The following HMCN2 variants were observed in gnomAD, a reference collection of about 807,000 sequenced individuals.
HMCN2 encodes the protein hemicentin-2.
In HMCN2, 325 loss-of-function variants were observed where a neutral mutation model predicts 377.5. The ratio of observed to expected loss-of-function variants is 0.86; its 90% CI spans 0.79 to 0.94. The LOEUF (loss-of-function observed/expected upper bound fraction) is 0.94, where lower values mean the gene tolerates loss of function less well. HMCN2 is among the 40% of genes least tolerant of loss of function. The pLI, the probability that HMCN2 is intolerant of heterozygous loss-of-function variation, is 0.00. For missense variants in HMCN2, 4,543 were observed against 4,725.3 expected, an observed-to-expected ratio of 0.96 and a Z score of 1.13; for synonymous variants, 2,007 against 2,046.8, an observed-to-expected ratio of 0.98 and a Z score of 0.53.
chr9:130,329,776 T>C (rs1016551651), intron 22 of HMCN2, among the ~76,000 whole-genome samples: 2 of 151,706 alleles, frequency 1.3e-5, no homozygotes, highest in Admixed American at 1.3e-4. Flanking sequence ...TGAAGCTTTG[T>C]TCGCAGGCTC....
chr9:130,375,617 T>G lies in HMCN2; in HGVS notation c.7685T>G (p.Val2562Gly), dbSNP rs894263463. 31 of 985,712 alleles carry G rather than the reference T, an allele frequency of 3.1e-5. No homozygotes were observed. In the African/African-American group the frequency reaches 4.9e-4, roughly 16 times the overall value. 61.1% of individuals were successfully genotyped at this position (985,712 alleles called of 1,614,324 possible). A position where few individuals can be genotyped will look rare whatever the true frequency, so the allele number is the denominator to read the frequency against. Residue 2562 changes from valine (V) to glycine (G), a missense_variant, in exon 50 of 98, where the codon GTG becomes GGG. Coordinates refer to ENST00000683500, the MANE Select transcript of HMCN2 (RefSeq NM_001291815.2). Reference sequence around the variant, plus strand: ...GACAGTGCAGATGAGGAGGTGACCGTGACTGTCAACAACCCCATCTCTCTG... The same window carrying G: ...GACAGTGCAGATGAGGAGGTGACCGGGACTGTCAACAACCCCATCTCTCTG... ...AEDSADEEVT[V>G]TVNNPISLIC... is the part of the protein sequence containing the mutation.
At chr9:130,337,083 G>C (rs1838792213) in intron 22 of HMCN2, among the ~76,000 whole-genome samples, 1 of 152,186 alleles carries the variant, frequency 6.6e-6, no homozygotes, top group African/African-American at 2.4e-5. Context: ...AGTGGCCGCA[G>C]CTGTCCTCCC....
At chr9:130,288,774 T>C (rs1483758833) in intron 4 of HMCN2, among the ~76,000 whole-genome samples, 1 of 152,226 alleles carries the variant, frequency 6.6e-6, no homozygotes, top group Non-Finnish European at 1.5e-5. Context: ...TCACTTTTTT[T>C]CAATTGTGAA....
Position 130,365,887 on chromosome 9 carries a change from T to C in HMCN2, c.6517T>C (p.Phe2173Leu). Residue 2173 changes from phenylalanine (F) to leucine (L), a missense_variant, in exon 43 of 98, where the codon TTC becomes CTC. Physicochemically the swap from Phe to Leu is conservative, Grantham distance 22. Coordinates refer to ENST00000683500, the MANE Select transcript of HMCN2 (RefSeq NM_001291815.2). Reference protein sequence around the residue: ...YNLNVWVAPVFPLRESHTLTV... With the variant: ...YNLNVWVAPVLPLRESHTLTV... ...CTGCTCTGACTCAGTTGCTCCAGTG[T>C]TCCCCTTGAGGGAATCCCACACCCT... 1.0e-6 allele frequency: 1 copy of C among 985,760 alleles called. No individual in the cohort carries two copies. 61.1% of individuals were successfully genotyped at this position (985,760 alleles called of 1,614,324 possible).
At chr9:130,286,623 C>T (rs185491040) in intron 4 of HMCN2, among the ~76,000 whole-genome samples, 1 of 152,362 alleles carries the variant, frequency 6.6e-6, no homozygotes, top group Admixed American at 6.5e-5. Context: ...GGCCTGGGTT[C>T]AGCAGTTGGT....
At chr9:130,305,112 T>C (rs1251045815) in intron 11 of HMCN2, 110 bp downstream of exon 11, 1 of 383,900 alleles carries the variant, frequency 2.6e-6, no homozygotes, top group Non-Finnish European at 5.4e-6. Context: ...TGGCAGGCAA[T>C]AGCAGCCTTT....
rs1368527330 is a variant in HMCN2 at position 130,394,508 on chromosome 9, G to A, written c.10625G>A (p.Gly3542Glu). ...CCCAACATCACCTGGCATAAGGACGGGCAGGCCCTGACCAGGCTGGAGAAC... is the reference window on the plus strand; with the variant it reads ...CCCAACATCACCTGGCATAAGGACGAGCAGGCCCTGACCAGGCTGGAGAAC... ...PQPNITWHKD[G>E]QALTRLENNS... is the part of the protein sequence containing the mutation. The change falls in exon 69 of 98, where the codon GGG (glycine) becomes GAG (glutamate). Residue 3542 changes from glycine (G) to glutamate (E), a missense_variant. By Grantham distance (98) the Gly-to-Glu change is moderately conservative. Around this residue, in one of 5 missense-constraint regions of HMCN2, gnomAD observed 1,073 missense variants for 1,319.5 expected, o/e 0.81. Transcript: ENST00000683500. The surrounding 1 kb of genome is among the most constrained non-coding windows in gnomAD (Gnocchi z 5.1). 7.8e-7 allele frequency: 1 copy of A among 1,289,840 alleles called. No homozygotes were observed. Among genetic ancestry groups the A allele is most frequent in the Non-Finnish European group, 1.0e-6 (1 of 988,868 alleles). 79.9% of individuals were successfully genotyped at this position (1,289,840 alleles called of 1,614,324 possible).
At chr9:130,294,740 G>T in intron 4 of HMCN2, 115 bp from the exon 5 acceptor site, 1 of 340,632 alleles carries the variant, frequency 2.9e-6, no homozygotes. Context: ...TGTTGGACAT[G>T]GAGGAGTGGG....
Position 130,378,201 on chromosome 9 carries a change from ATTC to A in HMCN2, c.8212+407_8212+409del, listed in dbSNP as rs1167795441. 2.0e-5 allele frequency among the ~76,000 whole-genome samples: 3 copies of A among 151,328 alleles called. No homozygotes were observed. The East Asian group carries it at 5.8e-4, about 29-fold the overall frequency. On this transcript the variant is annotated intron_variant, in intron 53 of 97. Coordinates refer to ENST00000683500, the MANE Select transcript of HMCN2 (RefSeq NM_001291815.2). ...CCTGTGGGTACCTGGGGCTCATTAT[ATTC>A]TTCTCTTGCTTGCGTCAGTGTTTGA... is the stretch of plus-strand genomic sequence containing the variant.
chr9:130,278,989 CT>C (rs1834962352), intron 1 of HMCN2, among the ~76,000 whole-genome samples: 3 of 151,880 alleles, frequency 2.0e-5, no homozygotes, highest in South Asian at 4.1e-4. Flanking sequence ...CCTCCACCCC[CT>C]GGGTTCAAGT....
intron 74 of HMCN2, among the ~76,000 whole-genome samples, chr9:130,397,930 T>G (rs1842683882): frequency 6.6e-6 from 1 of 151,934 alleles, no homozygotes; most frequent in Non-Finnish European, 1.5e-5. Flanking sequence ...GGAGGATCAC[T>G]TGATCCCAGG....
At chr9:130,408,977 C>A in intron 84 of HMCN2, 44 bp downstream of exon 84, 2 of 1,233,912 alleles carry the variant, frequency 1.6e-6, no homozygotes, top group South Asian at 1.3e-5. Flanking sequence ...CTGAGGACAA[C>A]TCTACGCTTT....
intron 84 of HMCN2, among the ~76,000 whole-genome samples, chr9:130,409,314 A>G (rs1337936217): frequency 6.6e-6 from 1 of 152,202 alleles, no homozygotes; most frequent in Non-Finnish European, 1.5e-5. Flanking sequence ...GAAGACACTG[A>G]AGTTCAGAGA....
intron 86 of HMCN2, among the ~76,000 whole-genome samples, chr9:130,420,194 C>A (rs917943901): frequency 6.6e-6 from 1 of 151,442 alleles, no homozygotes; most frequent in African/African-American, 2.4e-5. Flanking sequence ...CCTGCCTCAG[C>A]CTCCCAAGTA....
rs1242721794 is a variant in HMCN2, at chr9:130,342,707, AC to A, written c.3829+275del. Among the ~76,000 whole-genome samples the A allele has an allele frequency of 3.7e-4, 57 of 152,022 alleles. 2 individuals carry two copies. The highest frequency in any genetic ancestry group is 1.6e-4 in the Non-Finnish European group (11 of 67,976). On this transcript the variant is annotated intron_variant, in intron 25 of 97. Transcript: ENST00000683500. ...GTGACTCAGAATGTGGACAAGTGTG[AC>A]CCCTGCCCTGCCCCCCTGTGCCCAT...
rs1052455904 is a variant in HMCN2 at position 130,393,925 on chromosome 9, G to A, written c.10418G>A (p.Gly3473Glu). The change falls in exon 68 of 98, where the codon GGA (glycine) becomes GAA (glutamate). Residue 3473 changes from glycine to glutamate, a missense_variant. Gly to Glu is a moderately conservative substitution (Grantham distance 98). Around this residue, in one of 5 missense-constraint regions of HMCN2, gnomAD observed 1,073 missense variants for 1,319.5 expected, o/e 0.81. Coordinates refer to ENST00000683500, the MANE Select transcript of HMCN2 (RefSeq NM_001291815.2). This position sits in a 1 kb window ranked among gnomAD's most constrained non-coding sequence, Gnocchi z 5.2. Reference sequence around the variant, plus strand: ...CCCAGCCTGCAGCTGGAGGCAGTGGGAGCTGGTGACTCGGGGACCTACTCC... The same window carrying A: ...CCCAGCCTGCAGCTGGAGGCAGTGGAAGCTGGTGACTCGGGGACCTACTCC... ...QGPSLQLEAV[G>E]AGDSGTYSCV... 7.8e-7 allele frequency: 1 copy of A among 1,289,430 alleles called. No individual in the cohort carries two copies. The highest frequency in any genetic ancestry group is 1.2e-5 in the South Asian group (1 of 81,012). 79.9% of individuals were successfully genotyped at this position (1,289,430 alleles called of 1,614,324 possible). A position where few individuals can be genotyped will look rare whatever the true frequency, so the allele number is the denominator to read the frequency against.
At chr9:130,349,229 G>C in intron 28 of HMCN2, 98 bp downstream of exon 28, 1 of 1,176,332 alleles carries the variant, frequency 8.5e-7, no homozygotes, top group Non-Finnish European at 1.1e-6. Flanking sequence ...TTTGCCTGCG[G>C]AGAGCAGGGG....
Position 130,406,056 on chromosome 9 carries a change from C to T in HMCN2, c.12441C>T (p.Thr4147=). ...TCCTGGTACTGCCTGTGTTCACCAC[C>T]CTGCCTGGGGACCGCAGCCTGCGCC... ...LTILVLPVFT[T]LPGDRSLRLG... is the part of the protein sequence containing the mutation. The change falls in exon 82 of 98, where the codon ACC becomes ACT. Residue 4147 remains threonine (T), a synonymous_variant. Transcript: ENST00000683500. The T allele has an allele frequency of 7.8e-7, 1 of 1,289,878 alleles. No individual in the cohort carries two copies. The allele number at this position is 1,289,878 out of a possible 1,614,324, so 79.9% of individuals were successfully genotyped here. A position where few individuals can be genotyped will look rare whatever the true frequency, so the allele number is the denominator to read the frequency against.
At chr9:130,291,764 A>C (rs1835779490) in intron 4 of HMCN2, among the ~76,000 whole-genome samples, 1 of 152,210 alleles carries the variant, frequency 6.6e-6, no homozygotes, top group Non-Finnish European at 1.5e-5. Context: ...AAAATTAATG[A>C]GTTTCCTAGT....
Sources: allele counts gnomAD v4.1 joint callset (sites outside exome capture counted in the v4.1 genomes callset), GRCh38; gene constraint gnomAD v4.1.1; regional missense constraint gnomAD v4.1.1; non-coding constraint Gnocchi (gnomAD v3.1); transcripts MANE v1.5; gene names NCBI Gene and HGNC (gene_info 2026-07-23, HGNC 2026-07-21).